The following MRS2 variants were observed in gnomAD, a reference collection of about 807,000 sequenced individuals.
The protein encoded by MRS2 is magnesium transporter MRS2 homolog, mitochondrial.
Under a neutral mutation model 52.6 loss-of-function variants are expected in MRS2, and 40 were observed. The ratio of observed to expected loss-of-function variants is 0.76; its 90% CI spans 0.59 to 0.99. The LOEUF is 0.99. Ranked by LOEUF, MRS2 falls within the 50% of genes least tolerant of loss-of-function variation. The pLI is 0.00. For missense variants in MRS2, 472 were observed against 532.7 expected (o/e 0.89, Z 1.12); for synonymous variants, 193 against 195.9 (o/e 0.98, Z 0.13).
In MRS2 at chr6:24,409,511, T is replaced by C; in HGVS notation, c.352T>C (p.Leu118=). Residue 118 remains leucine, a synonymous_variant, in exon 4 of 11, where the codon TTG becomes CTG. Transcript: ENST00000378386. ...AGAGTTAGGTCTTCAAGCCAGAGAT[T>C]TGAGATTTCAGCATGTAATGAGTAT... The part of the protein sequence containing the change: ...YQELGLQARD[L]RFQHVMSITV... 3 of 1,612,084 alleles carry C rather than the reference T, an allele frequency of 1.9e-6. No individual in the cohort carries two copies. The highest frequency in any genetic ancestry group is 1.1e-5 in the South Asian group (1 of 90,690).
chr6:24,414,615 C>A (rs553601789), intron 5 of MRS2, among the ~76,000 whole-genome samples: 1 of 151,012 alleles, frequency 6.6e-6, no homozygotes, highest in South Asian at 2.1e-4. Context: ...CTTTTCTATT[C>A]GACAAAACCG....
At position 24,423,671 on chromosome 6, in the gene MRS2, A is replaced by G; in HGVS notation, c.1309A>G (p.Arg437Gly). The part of the protein sequence containing the change: ...SLRLDGLGSG[R>G]SILTNR Reference sequence around the variant, plus strand: ...CAGACTGGATGGACTTGGATCAGGAAGGAGCATCCTAACAAACCGTTAGGA... The same window carrying G: ...CAGACTGGATGGACTTGGATCAGGAGGGAGCATCCTAACAAACCGTTAGGA... Residue 437 changes from arginine (R) to glycine (G), a missense_variant, in exon 11 of 11, where the codon AGG (arginine) becomes GGG (glycine). Arg to Gly is a moderately radical substitution (Grantham distance 125). Coordinates refer to ENST00000378386, the MANE Select transcript of MRS2 (RefSeq NM_020662.4). 2 of 1,610,004 alleles carry G rather than the reference A, an allele frequency of 1.2e-6. No individual in the cohort carries two copies. Among genetic ancestry groups the G allele is most frequent in the Non-Finnish European group, 1.7e-6 (2 of 1,176,736 alleles).
chr6:24,422,357 A>C (rs1160465371), intron 9 of MRS2, among the ~76,000 whole-genome samples: 1 of 152,190 alleles, frequency 6.6e-6, no homozygotes, highest in Non-Finnish European at 1.5e-5. Context: ...AACTAAAAAC[A>C]GTGTGCTGCA....
Position 24,415,277 on chromosome 6 carries a change from T to C in MRS2, c.719+114T>C, listed in dbSNP as rs1761809441. On this transcript the variant is annotated intron_variant, in intron 6 of 10. Transcript: ENST00000378386. Reference sequence around the variant, plus strand: ...GTATGAAAGTAGCCTAGGTGGGAAGTTGAGCTAAAAGGGGCACACAATCTA... The same window carrying C: ...GTATGAAAGTAGCCTAGGTGGGAAGCTGAGCTAAAAGGGGCACACAATCTA... 10 of 1,122,642 alleles carry C rather than the reference T, an allele frequency of 8.9e-6. No individual in the cohort carries two copies. In the South Asian group the frequency reaches 2.1e-4, roughly 23 times the overall value. The allele number at this position is 1,122,642 out of a possible 1,614,324, so 69.5% of individuals were successfully genotyped here.
At chr6:24,414,722 C>T (rs1396892979) in intron 5 of MRS2, among the ~76,000 whole-genome samples, 13 of 152,126 alleles carry the variant, frequency 8.5e-5, no homozygotes, top group African/African-American at 2.7e-4. Flanking sequence ...CCAGACGGGG[C>T]GGCCGGGCAG....
At chr6:24,414,541 T>C (rs1228143792) in intron 5 of MRS2, among the ~76,000 whole-genome samples, 1 of 152,132 alleles carries the variant, frequency 6.6e-6, no homozygotes, top group East Asian at 1.9e-4. Flanking sequence ...GTCTCCTATG[T>C]CTACTTCTTT....
At chr6:24,414,767 C>T (rs931138641) in intron 5 of MRS2, among the ~76,000 whole-genome samples, 3 of 152,162 alleles carry the variant, frequency 2.0e-5, no homozygotes, top group Admixed American at 6.5e-5. Flanking sequence ...GGCGGCTGGC[C>T]GGGCGGGAGG....
In MRS2 at chr6:24,425,943, T is replaced by A. The variant is rs1228402717; in HGVS notation, c.*2249T>A. 4 of 152,186 alleles carry A rather than the reference T, an allele frequency of 2.6e-5. No homozygotes were observed. Among genetic ancestry groups the A allele is most frequent in the Non-Finnish European group, 5.9e-5 (4 of 68,032 alleles). The allele number at this position is 152,186 out of a possible 1,614,324, so 9.4% of individuals were successfully genotyped here. ...CACGTTGGATTTAACTCTCATGACT[T>A]TAGTAATACCTACAGAGGTGAGCTA... On this transcript the variant is annotated 3_prime_UTR_variant, in exon 11 of 11. Transcript: ENST00000378386.
At chr6:24,417,968 A>AGAC in intron 7 of MRS2, 116 bp from the exon 8 acceptor site, 3 of 798,804 alleles carry the variant, frequency 3.8e-6, no homozygotes, top group Non-Finnish European at 3.8e-6. Context: ...AGACAAGACA[A>AGAC]AGGCTAGCTT....
intron 4 of MRS2, among the ~76,000 whole-genome samples, 168 bp from the exon 5 acceptor site, chr6:24,412,054 C>T (rs1334891374): frequency 6.7e-6 from 1 of 150,090 alleles, no homozygotes; most frequent in Non-Finnish European, 1.5e-5. Context: ...TTGGTTTAGT[C>T]TTAATCCACA....
rs765832035 is a variant in MRS2, at chr6:24,422,944, G to T, written c.1115G>T (p.Arg372Ile). ...NLESSLEEDH[R>I]IFWLITGIMF... ...AACTGTGTTCTCTTTTAGGACCATA[G>T]AATTTTTTGGCTGATTACAGGAATT... Residue 372 changes from arginine (R) to isoleucine (I), a missense_variant, in exon 10 of 11, where the codon AGA becomes ATA. By Grantham distance (97) the Arg-to-Ile change is moderately conservative (BLOSUM62 -3). Transcript: ENST00000378386. The T allele has an allele frequency of 1.2e-6, 2 of 1,612,662 alleles. No homozygotes were observed. Among genetic ancestry groups the T allele is most frequent in the Admixed American group, 3.3e-5 (2 of 59,892 alleles).
chr6:24,403,317 C>T (rs1250668954), intron 1 of MRS2, 81 bp downstream of exon 1: 2 of 1,354,358 alleles, frequency 1.5e-6, no homozygotes, highest in Non-Finnish European at 9.7e-7. Flanking sequence ...TCCGGCGCGG[C>T]GCGCCTGTTG....
chr6:24,405,778 T>TC (rs1039604797), intron 2 of MRS2, among the ~76,000 whole-genome samples: 4 of 143,606 alleles, frequency 2.8e-5, no homozygotes, highest in African/African-American at 1.0e-4. Context: ...TGTAGGCTTT[T>TC]TTTTTTTTTC....
At chr6:24,420,910 G>A (rs952523463) in intron 9 of MRS2, among the ~76,000 whole-genome samples, 17 of 152,186 alleles carry the variant, frequency 1.1e-4, no homozygotes, top group Non-Finnish European at 2.2e-4. Flanking sequence ...GACGTAGAGC[G>A]TGGTAGGGGT....
At position 24,402,964 on chromosome 6, in the gene MRS2, C is replaced by A. The variant is rs1007812192; in HGVS notation, c.-83C>A. On this transcript the variant is annotated 5_prime_UTR_variant, in exon 1 of 11. Transcript: ENST00000378386. ...GAGTCTGCAGGTCGGGCGGTAGCGA[C>A]AGGTCAGAGCTGCGGCCTGAGCAGC... is the stretch of plus-strand genomic sequence containing the variant. 7.6e-7 allele frequency: 1 copy of A among 1,319,512 alleles called. No individual in the cohort carries two copies. Among genetic ancestry groups the A allele is most frequent in the Non-Finnish European group, 1.0e-6 (1 of 979,150 alleles). The allele number at this position is 1,319,512 out of a possible 1,614,324, so 81.7% of individuals were successfully genotyped here. A position where few individuals can be genotyped will look rare whatever the true frequency, so the allele number is the denominator to read the frequency against.
intron 9 of MRS2, among the ~76,000 whole-genome samples, chr6:24,420,280 G>A (rs889566894): frequency 3.3e-5 from 5 of 152,024 alleles, no homozygotes; most frequent in African/African-American, 4.8e-5. Flanking sequence ...TGAATGCACC[G>A]ACAACCTGGC....
At position 24,415,065 on chromosome 6, in the gene MRS2, G is replaced by A; in HGVS notation, c.621G>A (p.Leu207=). Residue 207 remains leucine (L), a synonymous_variant, in exon 6 of 11, where the codon TTG becomes TTA. Transcript: ENST00000378386. ...CCCTTCAGGGGAAACTTAGCATTTTGCAGCCACTGATCCTTGAGACCTTGG... is the reference window on the plus strand; with the variant it reads ...CCCTTCAGGGGAAACTTAGCATTTTACAGCCACTGATCCTTGAGACCTTGG... ...INTLQGKLSI[L]QPLILETLDA... is the part of the protein sequence containing the mutation. 1.2e-6 allele frequency: 2 copies of A among 1,610,860 alleles called. No individual in the cohort carries two copies. The highest frequency in any genetic ancestry group is 2.7e-5 in the African/African-American group (2 of 75,020).
In MRS2 at chr6:24,413,663, C is replaced by T. The variant is rs532216403; in HGVS notation, c.588+1268C>T. 5.3e-5 allele frequency among the ~76,000 whole-genome samples: 8 copies of T among 151,556 alleles called. No individual in the cohort carries two copies. The South Asian group carries it at 1.5e-3, about 28-fold the overall frequency. ...CCTCCCACCCAAGGACTTCTTAACCCGGAAGCAGTTCCTCTGGAGACGAAA... is the reference window on the plus strand; with the variant it reads ...CCTCCCACCCAAGGACTTCTTAACCTGGAAGCAGTTCCTCTGGAGACGAAA... On this transcript the variant is annotated intron_variant, in intron 5 of 10. Transcript: ENST00000378386.
chr6:24,416,495 G>A lies in MRS2; in HGVS notation c.818G>A (p.Trp273Ter). The A allele has an allele frequency of 6.4e-7, 1 of 1,554,698 alleles. No homozygotes were observed. The highest frequency in any genetic ancestry group is 1.4e-5 in the African/African-American group (1 of 73,636). ...ELLEELCVSK[W>*]SDPQVFEKSS... ...CTAGAAGAGCTCTGTGTATCAAAAT[G>A]GAGTGACCCACAAGTCTTGTAAGTA... Residue 273 changes from tryptophan to a stop codon, truncating the protein, a stop_gained, in exon 7 of 11, where the codon TGG (tryptophan) becomes TAG (stop). Coordinates refer to ENST00000378386, the MANE Select transcript of MRS2 (RefSeq NM_020662.4). LOFTEE classifies it high-confidence loss of function.
Sources: allele counts gnomAD v4.1 joint callset (sites outside exome capture counted in the v4.1 genomes callset), GRCh38; gene constraint gnomAD v4.1.1; transcripts MANE v1.5; gene names NCBI Gene and HGNC (gene_info 2026-07-23, HGNC 2026-07-21).